ZNF577: variants seen among roughly 807,000 people sequenced by gnomAD.
The protein encoded by ZNF577 is zinc finger protein 577.
In ZNF577, 14 loss-of-function variants were observed where a neutral mutation model predicts 13.9. The observed-to-expected ratio is 1.00, with a 90% CI of 0.66 to 1.57. The LOEUF is 1.57. Ranked by LOEUF, ZNF577 falls within the 40% of genes most tolerant of loss-of-function variation. The pLI is 0.00. For missense variants in ZNF577, 555 were observed against 579.2 expected (o/e 0.96, Z 0.43); for synonymous variants, 203 against 202.9 (o/e 1.00, Z 0.00).
At chr19:51,828,230 TGGTGGTGTGCACCTATAATCCCA>T (rs1046556931) in intron 9 of ZNF577, among the ~76,000 whole-genome samples, 4 of 152,106 alleles carry the variant, frequency 2.6e-5, no homozygotes, top group Non-Finnish European at 5.9e-5. Context: ...TATCTGGGCA[TGGTGGTGTGCACCTATAATCCCA>T]GCTACTTGGA....
intron 9 of ZNF577, among the ~76,000 whole-genome samples, chr19:51,815,861 CAAAAAA>C (rs35067102): frequency 1.5e-5 from 2 of 131,324 alleles, no homozygotes; most frequent in Admixed American, 1.5e-4. Context: ...GACCCTGTCT[CAAAAAA>C]AAAAGAAAAA....
chr19:51,824,890 C>A lies in ZNF577; in HGVS notation c.*600-13216G>T. 9.4e-7 allele frequency: 1 copy of A among 1,065,684 alleles called. No homozygotes were observed. Among genetic ancestry groups the A allele is most frequent in the Non-Finnish European group, 1.3e-6 (1 of 742,494 alleles). The allele number at this position is 1,065,684 out of a possible 1,614,324, so 66.0% of individuals were successfully genotyped here. On this transcript the variant is annotated intron_variant and NMD_transcript_variant, in intron 9 of 10. Coordinates refer to the ZNF577 transcript ENST00000638827. This position sits in a 1 kb window ranked among gnomAD's most constrained non-coding sequence, Gnocchi z 4.7. ...AAAAATTCTGACAGTGTTTTTCTTCCTCTTTCATACCACCACCACCACAAT... is the reference window on the plus strand; with the variant it reads ...AAAAATTCTGACAGTGTTTTTCTTCATCTTTCATACCACCACCACCACAAT...
chr19:51,869,382 C>T lies in ZNF577; in HGVS notation c.*3150G>A, dbSNP rs2084617592. Among the ~76,000 whole-genome samples, 1 of 152,108 alleles carries T rather than the reference C, an allele frequency of 6.6e-6. No homozygotes were observed. The highest frequency in any genetic ancestry group is 1.5e-5 in the Non-Finnish European group (1 of 68,030). On this transcript the variant is annotated 3_prime_UTR_variant, in exon 6 of 6. Transcript: ENST00000638348. The stretch of plus-strand genomic sequence containing the variant: ...ACATAAATCTGGCCTATGTGCACAT[C>T]GAGGCACAGCACCTTTCCTTAAACT...
At chr19:51,807,302 A>C (rs1169368523) in intron 10 of ZNF577, among the ~76,000 whole-genome samples, 1 of 152,184 alleles carries the variant, frequency 6.6e-6, no homozygotes, top group Non-Finnish European at 1.5e-5. Context: ...AGATTTCTCA[A>C]TAGATAACTC....
intron 9 of ZNF577, among the ~76,000 whole-genome samples, chr19:51,820,033 G>A (rs1335751355): frequency 6.6e-6 from 1 of 152,186 alleles, no homozygotes; most frequent in Non-Finnish European, 1.5e-5. Context: ...TAAATTGAGG[G>A]TTAGGAAAGA....
intron 5 of ZNF577, among the ~76,000 whole-genome samples, chr19:51,874,157 A>C (rs1246127170): frequency 6.6e-6 from 1 of 152,244 alleles, no homozygotes; most frequent in Non-Finnish European, 1.5e-5. Context: ...GAATAGAAAC[A>C]GAAACACATT....
At position 51,878,518 on chromosome 19, in the gene ZNF577, A is replaced by C; in HGVS notation, c.61-3T>G. ...ACATCTTCGAATGACAATGACCCCT[A>C]TAATAACAATTCCAATGCAATCTGA... On this transcript the variant is annotated splice_polypyrimidine_tract_variant and splice_region_variant and intron_variant, in intron 3 of 5. Transcript: ENST00000638348. 1 of 1,613,908 alleles carries C rather than the reference A, an allele frequency of 6.2e-7. No individual in the cohort carries two copies. The highest frequency in any genetic ancestry group is 1.1e-5 in the South Asian group (1 of 91,072).
At chr19:51,879,596 T>G (rs1021781117) in intron 3 of ZNF577, among the ~76,000 whole-genome samples, 8 of 152,076 alleles carry the variant, frequency 5.3e-5, no homozygotes, top group Admixed American at 5.2e-4. Context: ...TAATAATATT[T>G]ATAATTACAT....
At chr19:51,877,183 G>T in intron 5 of ZNF577, 99 bp downstream of exon 5, 2 of 992,024 alleles carry the variant, frequency 2.0e-6, no homozygotes, top group Non-Finnish European at 3.1e-6. Flanking sequence ...CAACTACTGT[G>T]AAGTCCTCTA....
intron 8 of ZNF577, among the ~76,000 whole-genome samples, chr19:51,841,827 G>A (rs2084322532): frequency 6.6e-6 from 1 of 152,188 alleles, no homozygotes; most frequent in Non-Finnish European, 1.5e-5. Context: ...GCTGAGGCAG[G>A]AGAATCAGTT....
intron 9 of ZNF577, among the ~76,000 whole-genome samples, chr19:51,816,409 G>C (rs940209663): frequency 6.6e-6 from 1 of 152,044 alleles, no homozygotes; most frequent in Non-Finnish European, 1.5e-5. Context: ...CACTACACCC[G>C]GTTAATTTTT....
At chr19:51,837,194 C>T (rs73566159) in intron 9 of ZNF577, among the ~76,000 whole-genome samples, 1,685 of 152,094 alleles carry the variant, frequency 0.011, 25 homozygotes, top group African/African-American at 0.038. Context: ...GGGAAGGCTC[C>T]GGTTTTAAAG....
At chr19:51,818,437 T>A (rs2084160732) in intron 9 of ZNF577, among the ~76,000 whole-genome samples, 1 of 152,204 alleles carries the variant, frequency 6.6e-6, no homozygotes, top group Non-Finnish European at 1.5e-5. Context: ...GACACAGCAC[T>A]GAAAGAAGGT....
At chr19:51,884,789 T>G (rs2084917227) in intron 1 of ZNF577, among the ~76,000 whole-genome samples, 2 of 152,360 alleles carry the variant, frequency 1.3e-5, no homozygotes, top group African/African-American at 4.8e-5. Context: ...AGAATTCTTA[T>G]TAAAATGCAA....
chr19:51,861,205 A>G, intron 5 of ZNF577: 2 of 251,370 alleles, frequency 8.0e-6, no homozygotes, highest in South Asian at 6.9e-5. Context: ...TGCAACCTCC[A>G]CCTCCTAGGT....
rs924426793 is a variant in ZNF577 at position 51,869,314 on chromosome 19, C to G, written c.*3218G>C. 6.6e-6 allele frequency among the ~76,000 whole-genome samples: 1 copy of G among 152,158 alleles called. No homozygotes were observed. Among genetic ancestry groups the G allele is most frequent in the Non-Finnish European group, 1.5e-5 (1 of 68,016 alleles). ...GGCTGGATGTGAGACATGCTGGCAG[C>G]GATACTGTTCTTTACTGCACTGAGA... On this transcript the variant is annotated 3_prime_UTR_variant, in exon 6 of 6. Coordinates refer to ENST00000638348, the MANE Select transcript of ZNF577 (RefSeq NM_001370449.1).
chr19:51,867,919 C>T lies in ZNF577; in HGVS notation c.*4613G>A, dbSNP rs550397042. ...CTACCCCCACCCCTAAATACAGATA[C>T]AGAAAAAGGCAATGAGAACCTGGAA... On this transcript the variant is annotated 3_prime_UTR_variant, in exon 6 of 6. Coordinates refer to ENST00000638348, the MANE Select transcript of ZNF577 (RefSeq NM_001370449.1). Among the ~76,000 whole-genome samples the T allele has an allele frequency of 5.4e-4, 82 of 152,260 alleles. No individual in the cohort carries two copies. The highest frequency in any genetic ancestry group is 1.9e-3 in the African/African-American group (81 of 41,560).
chr19:51,828,745 T>C lies in ZNF577; in HGVS notation c.*599+11148A>G, dbSNP rs145915884. 2.2e-3 allele frequency among the ~76,000 whole-genome samples: 332 copies of C among 152,278 alleles called. 1 individual carries two copies. Among genetic ancestry groups the C allele is most frequent in the African/African-American group, 7.7e-3 (322 of 41,570 alleles). Reference sequence around the variant, plus strand: ...AACTTCCTGTATCAGGCCTGGTCGGTCTGGGACAGCACTACTGCTTGCTGG... The same window carrying C: ...AACTTCCTGTATCAGGCCTGGTCGGCCTGGGACAGCACTACTGCTTGCTGG... On this transcript the variant is annotated intron_variant and NMD_transcript_variant, in intron 9 of 10. Coordinates refer to the ZNF577 transcript ENST00000638827.
downstream of ZNF577, among the ~76,000 whole-genome samples, chr19:51,863,578 GATAAA>G (rs1376261746): frequency 4.6e-5 from 7 of 152,130 alleles, no homozygotes; most frequent in Admixed American, 4.6e-4. Flanking sequence ...TGTGTGTATA[GATAAA>G]ATAAAGCAAA....
Sources: gnomAD v4.1 joint callset for allele counts (sites outside exome capture counted in the v4.1 genomes callset) on GRCh38, gnomAD v4.1.1 for gene constraint, Gnocchi (gnomAD v3.1) non-coding constraint, MANE v1.5 for transcripts, NCBI Gene and HGNC (gene_info 2026-07-23, HGNC 2026-07-21) for gene names.